The following TNRC6A variants were observed in gnomAD, a reference collection of about 807,000 sequenced individuals.
The protein encoded by TNRC6A is trinucleotide repeat-containing gene 6A protein.
In TNRC6A, 44 loss-of-function variants were observed where a neutral mutation model predicts 221.2. That is an observed-to-expected ratio of 0.20 (90% CI 0.16 to 0.26). TNRC6A has a LOEUF of 0.26. TNRC6A is among the 10% of genes least tolerant of loss of function. The pLI is 1.00. For missense variants in TNRC6A, 2,199 were observed against 2,404.4 expected (o/e 0.91, Z 1.79); for synonymous variants, 847 against 838.5 (o/e 1.01, Z -0.18).
At chr16:24,777,497 T>C in intron 5 of TNRC6A, 139 bp downstream of exon 5, 1 of 758,590 alleles carries the variant, frequency 1.3e-6, no homozygotes, top group South Asian at 1.9e-5. Context: ...TTATAGGGAG[T>C]TATGAATGGG....
intron 5 of TNRC6A, among the ~76,000 whole-genome samples, chr16:24,786,569 T>C (rs2057974293): frequency 6.6e-6 from 1 of 151,926 alleles, no homozygotes; most frequent in Non-Finnish European, 1.5e-5. Context: ...CCGCCTCGGC[T>C]CCCTAAAATG....
chr16:24,665,049 A>G (rs1394765848), intron 2 of TNRC6A: 1 of 448,356 alleles, frequency 2.2e-6, no homozygotes, highest in Non-Finnish European at 4.5e-6. Flanking sequence ...AGGACAAACT[A>G]ACTTATTTAT....
rs750110409 is a variant in TNRC6A, at chr16:24,794,698, T to C, written c.3507T>C (p.Tyr1169=). 2.5e-6 allele frequency: 4 copies of C among 1,611,860 alleles called. No homozygotes were observed. Among genetic ancestry groups the C allele is most frequent in the Non-Finnish European group, 2.5e-6 (3 of 1,179,414 alleles). Reference sequence around the variant, plus strand: ...ACTCATCTTTAAATTGGCCACCATATACAAAGAAAATGTCATCGAAGGTAA... The same window carrying C: ...ACTCATCTTTAAATTGGCCACCATACACAAAGAAAATGTCATCGAAGGTAA... ...ELNSSLNWPP[Y]TKKMSSKGLS... Residue 1169 remains tyrosine (Y), a synonymous_variant, in exon 8 of 25, where the codon TAT becomes TAC. Transcript: ENST00000395799.
At chr16:24,776,898 A>T (rs753766675) in intron 4 of TNRC6A, 35 bp from the exon 5 acceptor site, 1 of 1,587,954 alleles carries the variant, frequency 6.3e-7, no homozygotes, top group East Asian at 2.3e-5. Flanking sequence ...TTTACTGGCT[A>T]ATCTTTTCCA....
At chr16:24,801,044 A>G (rs2058321705) in intron 11 of TNRC6A, among the ~76,000 whole-genome samples, 1 of 152,334 alleles carries the variant, frequency 6.6e-6, no homozygotes, top group Non-Finnish European at 1.5e-5. Context: ...TGAGTTAAGA[A>G]ATACAGGAAT....
chr16:24,660,701 A>G (rs1465095482), intron 2 of TNRC6A, among the ~76,000 whole-genome samples: 2 of 147,590 alleles, frequency 1.4e-5, no homozygotes, highest in Non-Finnish European at 3.0e-5. Flanking sequence ...TATTAATATC[A>G]TGAATTCAGC....
intron 2 of TNRC6A, among the ~76,000 whole-genome samples, chr16:24,745,308 A>G (rs1032428435): frequency 6.6e-6 from 1 of 152,098 alleles, no homozygotes; most frequent in African/African-American, 2.4e-5. Flanking sequence ...GAAGGTTGCT[A>G]GTGACTTCCT....
intron 4 of TNRC6A, among the ~76,000 whole-genome samples, chr16:24,766,628 T>G (rs2057476905): frequency 6.6e-6 from 1 of 152,128 alleles, no homozygotes; most frequent in Non-Finnish European, 1.5e-5. Flanking sequence ...TTGACTTGTA[T>G]TTATTTGTTT....
At chr16:24,719,008 G>A (rs1194253240) in intron 2 of TNRC6A, among the ~76,000 whole-genome samples, 2 of 148,970 alleles carry the variant, frequency 1.3e-5, no homozygotes, top group African/African-American at 5.0e-5. Flanking sequence ...CTGTACTCCA[G>A]CCTGGGTGAC....
intron 2 of TNRC6A, among the ~76,000 whole-genome samples, chr16:24,673,822 T>TG (rs759876444): frequency 5.3e-5 from 8 of 152,170 alleles, no homozygotes; most frequent in Non-Finnish European, 7.3e-5. Context: ...CCTCCCAGAA[T>TG]GCTGGGATTA....
chr16:24,778,188 C>A, intron 5 of TNRC6A: 1 of 557,426 alleles, frequency 1.8e-6, no homozygotes, highest in Non-Finnish European at 2.3e-6. Flanking sequence ...CCCCATATCC[C>A]AGTGTGTGTG....
intron 5 of TNRC6A, among the ~76,000 whole-genome samples, chr16:24,780,076 T>TG (rs2151757655): frequency 6.6e-6 from 1 of 152,248 alleles, no homozygotes; most frequent in East Asian, 1.9e-4. Flanking sequence ...GTGAAGGCTT[T>TG]GGGGGGATGA....
chr16:24,626,184 G>A (rs1232086774), intron 1 of TNRC6A, among the ~76,000 whole-genome samples: 2 of 151,876 alleles, frequency 1.3e-5, no homozygotes, highest in East Asian at 3.9e-4. Context: ...TCCTCCCCAG[G>A]GGACACCAAT....
rs1251661819 is a variant in TNRC6A at position 24,820,145 on chromosome 16, A to G, written c.5087A>G (p.Asn1696Ser). The change falls in exon 22 of 25, where the codon AAT (asparagine) becomes AGT (serine). Residue 1696 changes from asparagine (N) to serine (S), a missense_variant. Physicochemically the swap from Asn to Ser is conservative, Grantham distance 46 (BLOSUM62 1). This residue lies in a region of TNRC6A where 449 missense variants were observed against 579.7 expected (regional missense o/e 0.77). Transcript: ENST00000395799. ...SSTAQSTSAR[N>S]SDSKLTWSPG... is the part of the protein sequence containing the mutation. ...TTTTTCCCCCTTTGAGTAGCCAGAA[A>G]TAGTGATTCCAAATTGACATGGTCT... is the stretch of plus-strand genomic sequence containing the variant. 1.2e-6 allele frequency: 2 copies of G among 1,614,138 alleles called. No homozygotes were observed. Among genetic ancestry groups the G allele is most frequent in the African/African-American group, 1.3e-5 (1 of 75,024 alleles).
intron 1 of TNRC6A, among the ~76,000 whole-genome samples, chr16:24,632,437 C>T (rs1285057469): frequency 1.3e-5 from 2 of 152,182 alleles, no homozygotes; most frequent in Non-Finnish European, 2.9e-5. Flanking sequence ...ACACCCCACA[C>T]ACAATCCATA....
At chr16:24,807,473 C>T (rs1205980078) in intron 17 of TNRC6A, among the ~76,000 whole-genome samples, 1 of 152,216 alleles carries the variant, frequency 6.6e-6, no homozygotes, top group Non-Finnish European at 1.5e-5. Context: ...AATTTTTGAG[C>T]AGTGCTGTTT....
rs373310766 is a variant in TNRC6A, at chr16:24,797,814, T to G, written c.3643-101T>G. ...TGAAAAATGAAGCTTTATGATCCAC[T>G]TGAATTTCACAGATAATGAAACACA... is the stretch of plus-strand genomic sequence containing the variant. On this transcript the variant is annotated intron_variant, in intron 10 of 24. Coordinates refer to ENST00000395799, the MANE Select transcript of TNRC6A (RefSeq NM_014494.4). The G allele has an allele frequency of 2.7e-6, 3 of 1,104,246 alleles. No homozygotes were observed. In the South Asian group the frequency reaches 5.2e-5, roughly 19 times the overall value. 68.4% of individuals were successfully genotyped at this position (1,104,246 alleles called of 1,614,324 possible). A position where few individuals can be genotyped will look rare whatever the true frequency, so the allele number is the denominator to read the frequency against.
chr16:24,630,692 A>G (rs941671622), intron 1 of TNRC6A, among the ~76,000 whole-genome samples: 1 of 152,106 alleles, frequency 6.6e-6, no homozygotes, highest in African/African-American at 2.4e-5. Context: ...CTCATGCTGT[A>G]GGGAGCCCCA....
chr16:24,635,003 A>G (rs1901551477), intron 1 of TNRC6A, among the ~76,000 whole-genome samples: 1 of 152,154 alleles, frequency 6.6e-6, no homozygotes, highest in Admixed American at 6.6e-5. Context: ...TATGTTGCCC[A>G]GGCTGGTCTT....
Sources: allele counts gnomAD v4.1 joint callset (sites outside exome capture counted in the v4.1 genomes callset), GRCh38; gene constraint gnomAD v4.1.1; regional missense constraint gnomAD v4.1.1; transcripts MANE v1.5; gene names NCBI Gene and HGNC (gene_info 2026-07-23, HGNC 2026-07-21).